The following GARNL3 variants were observed in gnomAD, a reference collection of about 807,000 sequenced individuals.
GARNL3 encodes GTPase-activating Rap/Ran-GAP domain-like protein 3.
GARNL3 carries 63 observed loss-of-function variants against 125.0 expected under a neutral mutation model. The ratio of observed to expected loss-of-function variants is 0.50; its 90% confidence interval spans 0.41 to 0.62. The LOEUF (loss-of-function observed/expected upper bound fraction) is 0.62. GARNL3 is among the 20% of genes least tolerant of loss of function. The probability of loss-of-function intolerance (pLI) is 0.00; values close to 1 mark genes in which losing one functional copy is unlikely to be tolerated. For missense variants in GARNL3, 994 were observed against 1,244.0 expected (o/e 0.80, Z 3.02); for synonymous variants, 439 against 457.5 (o/e 0.96, Z 0.52).
chr9:127,345,130 A>AGAT (rs1830067800), intron 15 of GARNL3, among the ~76,000 whole-genome samples: 1 of 152,012 alleles, frequency 6.6e-6, no homozygotes. Context: ...GAGAATCTGC[A>AGAT]TTTTTTCAAG....
chr9:127,249,939 G>A (rs555242073), intron 2 of GARNL3, among the ~76,000 whole-genome samples: 1 of 152,204 alleles, frequency 6.6e-6, no homozygotes, highest in Non-Finnish European at 1.5e-5. Flanking sequence ...AACCCAAGAG[G>A]CAGAGGTTGC....
intron 14 of GARNL3, among the ~76,000 whole-genome samples, chr9:127,342,794 C>T (rs1829931844): frequency 6.6e-6 from 1 of 152,040 alleles, no homozygotes; most frequent in Non-Finnish European, 1.5e-5. Flanking sequence ...CAAGCATTCC[C>T]ATTTACTGAA....
At chr9:127,235,581 A>C (rs1483595483) in intron 1 of GARNL3, among the ~76,000 whole-genome samples, 2 of 152,204 alleles carry the variant, frequency 1.3e-5, no homozygotes, top group Non-Finnish European at 2.9e-5. Flanking sequence ...TCATTGTGTC[A>C]TGGATACATA....
intron 2 of GARNL3, among the ~76,000 whole-genome samples, chr9:127,306,001 A>T (rs2064944255): frequency 6.6e-6 from 1 of 152,128 alleles, no homozygotes; most frequent in Non-Finnish European, 1.5e-5. Context: ...GATGCTGAGC[A>T]GCACCTTGCG....
chr9:127,356,893 A>G (rs1402386435), intron 20 of GARNL3, among the ~76,000 whole-genome samples: 2 of 152,236 alleles, frequency 1.3e-5, no homozygotes, highest in Non-Finnish European at 2.9e-5. Flanking sequence ...AGCAATTATT[A>G]ATACTATTAC....
intron 22 of GARNL3, among the ~76,000 whole-genome samples, chr9:127,377,249 A>T (rs1048029318): frequency 6.6e-6 from 1 of 152,246 alleles, no homozygotes; most frequent in African/African-American, 2.4e-5. Context: ...AAACTCAAGT[A>T]TATATAAAAT....
At chr9:127,330,517 T>C (rs1033990539) in intron 7 of GARNL3, among the ~76,000 whole-genome samples, 2 of 152,248 alleles carry the variant, frequency 1.3e-5, no homozygotes, top group Non-Finnish European at 2.9e-5. Flanking sequence ...CAATGTACTA[T>C]GGTCAACACT....
chr9:127,383,459 T>G lies in GARNL3; in HGVS notation c.2183T>G (p.Val728Gly). ...CYNYSCIYKK[V>G]CPFNGGSFLV... ...GCAGACAGTTGCATCTATAAAAAGGTTTGCCCCTTTAATGGTGGCTCTTTT... is the reference window on the plus strand; with the variant it reads ...GCAGACAGTTGCATCTATAAAAAGGGTTGCCCCTTTAATGGTGGCTCTTTT... The change falls in exon 23 of 28, where the codon GTT (valine) becomes GGT (glycine). Residue 728 changes from valine to glycine, a missense_variant. Coordinates refer to ENST00000373387, the MANE Select transcript of GARNL3 (RefSeq NM_032293.5). 1 of 1,612,400 alleles carries G rather than the reference T, an allele frequency of 6.2e-7. No individual in the cohort carries two copies. Among genetic ancestry groups the G allele is most frequent in the Non-Finnish European group, 8.5e-7 (1 of 1,179,124 alleles).
intron 1 of GARNL3, among the ~76,000 whole-genome samples, chr9:127,271,252 A>G (rs1588722041): frequency 6.6e-6 from 1 of 150,486 alleles, no homozygotes; most frequent in South Asian, 2.1e-4. Flanking sequence ...TTTAAATACC[A>G]TAAATAAAGA....
At chr9:127,285,461 A>G (rs181443126) in intron 1 of GARNL3, among the ~76,000 whole-genome samples, 57 of 152,234 alleles carry the variant, frequency 3.7e-4, no homozygotes, top group African/African-American at 1.3e-3. Context: ...TTTAAAGTTT[A>G]CTAGATATTT....
chr9:127,376,261 CTT>C (rs1335349431), intron 22 of GARNL3, among the ~76,000 whole-genome samples: 2 of 151,760 alleles, frequency 1.3e-5, no homozygotes, highest in African/African-American at 4.8e-5. Context: ...CACCCAGCCT[CTT>C]AACATTTTTT....
At chr9:127,269,649 G>A (rs914858768) in intron 1 of GARNL3, among the ~76,000 whole-genome samples, 6 of 152,102 alleles carry the variant, frequency 3.9e-5, no homozygotes, top group African/African-American at 1.4e-4. Flanking sequence ...GCTTTGATTT[G>A]CATTTCCCTA....
At chr9:127,379,096 A>T (rs553350793) in intron 22 of GARNL3, among the ~76,000 whole-genome samples, 2 of 152,320 alleles carry the variant, frequency 1.3e-5, no homozygotes, top group Non-Finnish European at 2.9e-5. Context: ...TTTATTAATC[A>T]GGCAGCTCCA....
At chr9:127,293,238 C>A (rs908429598) in intron 2 of GARNL3, among the ~76,000 whole-genome samples, 6 of 152,170 alleles carry the variant, frequency 3.9e-5, no homozygotes, top group African/African-American at 1.2e-4. Context: ...AAAGGACTCA[C>A]TATATATAGT....
At chr9:127,389,354 G>C (rs932110732) in intron 26 of GARNL3, among the ~76,000 whole-genome samples, 2 of 152,146 alleles carry the variant, frequency 1.3e-5, no homozygotes, top group African/African-American at 2.4e-5. Flanking sequence ...CCATGTGAAG[G>C]GGGGAAATGG....
At chr9:127,345,561 A>C (rs904878730) in intron 16 of GARNL3, 84 bp downstream of exon 16, 11 of 916,330 alleles carry the variant, frequency 1.2e-5, no homozygotes, top group Non-Finnish European at 1.7e-5. Context: ...AAAAGGTTTG[A>C]GAGCAGAAGG....
intron 2 of GARNL3, among the ~76,000 whole-genome samples, chr9:127,246,918 G>A (rs2063314249): frequency 7.1e-6 from 1 of 140,866 alleles, no homozygotes; most frequent in South Asian, 2.4e-4. Context: ...TGAGAAAGGA[G>A]TTGACCTTCC....
chr9:127,268,197 A>G (rs1480212999), intron 1 of GARNL3, among the ~76,000 whole-genome samples: 1 of 152,180 alleles, frequency 6.6e-6, no homozygotes, highest in Non-Finnish European at 1.5e-5. Context: ...GCAGCCTCAC[A>G]CCGTGTCCCC....
In GARNL3 at chr9:127,353,680, G is replaced by C. The variant is rs566917071; in HGVS notation, c.1544-166G>C. ...AGTACTTCTTCCTGAGCTAGGAGGAGAATAGTGCTTGAATGTATTTTGTAG... is the reference window on the plus strand; with the variant it reads ...AGTACTTCTTCCTGAGCTAGGAGGACAATAGTGCTTGAATGTATTTTGTAG... On this transcript the variant is annotated intron_variant, in intron 17 of 27. Coordinates refer to ENST00000373387, the MANE Select transcript of GARNL3 (RefSeq NM_032293.5). 6.1e-6 allele frequency: 4 copies of C among 657,410 alleles called. No individual in the cohort carries two copies. The African/African-American group carries it at 7.4e-5, about 12-fold the overall frequency. 40.7% of individuals were successfully genotyped at this position (657,410 alleles called of 1,614,324 possible). A position where few individuals can be genotyped will look rare whatever the true frequency, so the allele number is the denominator to read the frequency against.
Sources: gnomAD v4.1 joint callset for allele counts (sites outside exome capture counted in the v4.1 genomes callset) on GRCh38, gnomAD v4.1.1 for gene constraint, MANE v1.5 for transcripts, NCBI Gene and HGNC (gene_info 2026-07-23, HGNC 2026-07-21) for gene names.